PTPRN2: variants seen among roughly 807,000 people sequenced by gnomAD.
PTPRN2 encodes the protein receptor-type tyrosine-protein phosphatase N2.
A neutral mutation model predicts 118.8 loss-of-function variants in PTPRN2; 74 were observed. The ratio of observed to expected loss-of-function variants is 0.62; its 90% CI spans 0.52 to 0.76. The LOEUF (loss-of-function observed/expected upper bound fraction) is 0.76. PTPRN2 is among the 30% of genes least tolerant of loss of function. PTPRN2 has a pLI of 0.00. For synonymous variants in PTPRN2, 641 were observed against 608.0 expected (o/e 1.05, Z -0.80); for missense variants, 1,481 against 1,394.4 (o/e 1.06, Z -0.99).
intron 11 of PTPRN2, among the ~76,000 whole-genome samples, chr7:158,075,762 G>A (rs933848783): frequency 3.3e-5 from 5 of 152,198 alleles, no homozygotes; most frequent in East Asian, 1.9e-4. Context: ...TCAGCCAGGC[G>A]AGCTGTGGGA....
intron 2 of PTPRN2, among the ~76,000 whole-genome samples, chr7:158,432,050 G>T (rs1201815947): frequency 6.6e-6 from 1 of 152,220 alleles, no homozygotes; most frequent in African/African-American, 2.4e-5. Flanking sequence ...TTGGTCACAT[G>T]ACCCCTCCTG....
chr7:157,576,146 A>C (rs1383342889), intron 19 of PTPRN2, among the ~76,000 whole-genome samples: 2 of 152,186 alleles, frequency 1.3e-5, no homozygotes, highest in Non-Finnish European at 2.9e-5. Flanking sequence ...GGTCAGTTTC[A>C]AAATAGCCCT....
chr7:158,141,488 G>T (rs565066812), intron 6 of PTPRN2, among the ~76,000 whole-genome samples: 2 of 152,210 alleles, frequency 1.3e-5, no homozygotes, highest in South Asian at 2.1e-4. Context: ...GCCTAGACTC[G>T]CATGACTTTC....
chr7:157,761,680 A>G (rs994001257), intron 12 of PTPRN2, among the ~76,000 whole-genome samples: 1 of 148,714 alleles, frequency 6.7e-6, no homozygotes, highest in Non-Finnish European at 1.5e-5. Flanking sequence ...CATTCAGGAC[A>G]TAGGCATGGG....
At chr7:158,316,766 C>T (rs921895763) in intron 3 of PTPRN2, 53 bp downstream of exon 3, 6 of 1,353,798 alleles carry the variant, frequency 4.4e-6, no homozygotes, top group African/African-American at 4.3e-5. Context: ...AAGCCAAGCC[C>T]GTGCGGTCGC....
intron 11 of PTPRN2, among the ~76,000 whole-genome samples, chr7:157,991,779 A>T (rs913180211): frequency 6.6e-6 from 1 of 151,598 alleles, no homozygotes; most frequent in Non-Finnish European, 1.5e-5. Context: ...CTAAGCACCA[A>T]GCAAGAGTGA....
At chr7:158,361,514 G>A (rs1808959591) in intron 2 of PTPRN2, among the ~76,000 whole-genome samples, 1 of 152,318 alleles carries the variant, frequency 6.6e-6, no homozygotes, top group Admixed American at 6.5e-5. Flanking sequence ...TCCACACCTG[G>A]CAGAAATCCC....
intron 3 of PTPRN2, among the ~76,000 whole-genome samples, chr7:158,251,807 A>G (rs1441279219): frequency 4.6e-5 from 7 of 152,104 alleles, no homozygotes; most frequent in Admixed American, 4.6e-4. Flanking sequence ...ACATGCGTAT[A>G]GAGCACAGAC....
At chr7:158,299,947 G>A (rs754168296) in intron 3 of PTPRN2, among the ~76,000 whole-genome samples, 3 of 152,206 alleles carry the variant, frequency 2.0e-5, no homozygotes, top group Non-Finnish European at 2.9e-5. Flanking sequence ...TTCTGGAAAG[G>A]CCTTTTCCGG....
At chr7:158,176,655 A>G (rs544116568) in intron 5 of PTPRN2, among the ~76,000 whole-genome samples, 57 of 152,332 alleles carry the variant, frequency 3.7e-4, no homozygotes, top group African/African-American at 1.3e-3. Flanking sequence ...CAGGGGAGAC[A>G]GTCAGGATGA....
At chr7:158,185,020 T>G (rs1454155478) in intron 5 of PTPRN2, among the ~76,000 whole-genome samples, 1 of 152,214 alleles carries the variant, frequency 6.6e-6, no homozygotes, top group African/African-American at 2.4e-5. Flanking sequence ...ACATGGTCTA[T>G]GTAACTATGG....
chr7:158,217,893 GAA>G (rs1274827863), intron 3 of PTPRN2, among the ~76,000 whole-genome samples: 1 of 152,004 alleles, frequency 6.6e-6, no homozygotes, highest in Non-Finnish European at 1.5e-5. Context: ...CAAAAATAAA[GAA>G]AAAAGAGTGT....
chr7:157,657,755 C>CCA (rs56674248), intron 13 of PTPRN2, among the ~76,000 whole-genome samples: 1 of 35,614 alleles, frequency 2.8e-5, no homozygotes, highest in Non-Finnish European at 6.0e-5. Context: ...CACACATACA[C>CCA]CACACACACC....
intron 6 of PTPRN2, among the ~76,000 whole-genome samples, chr7:158,155,616 A>AT (rs1821709795): frequency 1.3e-5 from 2 of 148,702 alleles, no homozygotes; most frequent in Non-Finnish European, 3.0e-5. Context: ...ATCACCATCA[A>AT]CACTATCATC....
intron 9 of PTPRN2, among the ~76,000 whole-genome samples, chr7:158,122,694 C>T (rs528156144): frequency 3.2e-4 from 49 of 152,292 alleles, no homozygotes; most frequent in Admixed American, 5.2e-4. Flanking sequence ...AAAGAGAAAC[C>T]GAGGCTAGAG....
intron 12 of PTPRN2, among the ~76,000 whole-genome samples, chr7:157,876,554 C>G (rs1354986289): frequency 2.0e-5 from 3 of 152,204 alleles, no homozygotes; most frequent in Middle Eastern, 3.2e-3. Context: ...CCCTAGAAGA[C>G]GTTTCTCCCA....
rs1353830379 is a variant in PTPRN2 at position 158,388,105 on chromosome 7, G to A, written c.164-71173C>T. On this transcript the variant is annotated intron_variant, in intron 2 of 22. Transcript: ENST00000389418. ...GAAAATACTTTCGGAGGATTCCCCC[G>A]ACCCCAGGATGTAGCCACCTCTCCC... 5.9e-5 allele frequency among the ~76,000 whole-genome samples: 9 copies of A among 152,082 alleles called. No individual in the cohort carries two copies. The South Asian group carries it at 8.3e-4, about 14-fold the overall frequency.
At chr7:157,957,583 T>C (rs922164831) in intron 11 of PTPRN2, among the ~76,000 whole-genome samples, 9 of 152,162 alleles carry the variant, frequency 5.9e-5, no homozygotes, top group Admixed American at 5.9e-4. Context: ...TATTTGATGG[T>C]ACAAAGTGAA....
chr7:158,353,323 T>C (rs911490800), intron 2 of PTPRN2, among the ~76,000 whole-genome samples: 1 of 152,196 alleles, frequency 6.6e-6, no homozygotes, highest in Non-Finnish European at 1.5e-5. Context: ...CGGGGCTTTA[T>C]AAAATCCAGG....
Sources: allele counts gnomAD v4.1 joint callset (sites outside exome capture counted in the v4.1 genomes callset), GRCh38; gene constraint gnomAD v4.1.1; transcripts MANE v1.5; gene names NCBI Gene and HGNC (gene_info 2026-07-23, HGNC 2026-07-21).